ASRGL1: variants seen among roughly 807,000 people sequenced by gnomAD.
ASRGL1 encodes asparaginase and isoaspartyl peptidase 1.
ASRGL1 carries 16 observed loss-of-function variants against 22.4 expected under a neutral mutation model. That is an observed-to-expected ratio of 0.71 (90% CI 0.48 to 1.08). The LOEUF is 1.08. ASRGL1 is among the 50% of genes least tolerant of loss of function. The pLI, the probability that ASRGL1 is intolerant of heterozygous loss-of-function variation, is 0.00. For synonymous variants in ASRGL1, 165 were observed against 159.3 expected (o/e 1.04, Z -0.27); for missense variants, 412 against 410.1 (o/e 1.00, Z -0.04).
chr11:62,339,365 G>A (rs189372488), intron 2 of ASRGL1, among the ~76,000 whole-genome samples: 79 of 152,280 alleles, frequency 5.2e-4, no homozygotes, highest in African/African-American at 1.8e-3. Context: ...ATTCCAAAAG[G>A]GAGGAGGGAA....
chr11:62,338,929 T>C (rs3180646), intron 2 of ASRGL1, among the ~76,000 whole-genome samples: 36 of 2,904 alleles, frequency 0.012, no homozygotes, highest in African/African-American at 0.023. Context: ...AGCGAGACTA[T>C]CTCAAAAAAA....
At chr11:62,394,160 ATATATAT>A (rs980619034), downstream of ASRGL1, among the ~76,000 whole-genome samples, 471 of 139,856 alleles carry the variant, frequency 3.4e-3, 2 homozygotes, top group African/African-American at 0.012. Flanking sequence ...TATATAATAC[ATATATAT>A]TATATATCAT....
At chr11:62,386,421 T>G (rs1947202204) in intron 4 of ASRGL1, among the ~76,000 whole-genome samples, 1 of 68,826 alleles carries the variant, frequency 1.5e-5, no homozygotes, top group Admixed American at 1.5e-4. Context: ...TTACTGTGCC[T>G]AATTTATCAA....
At chr11:62,347,192 T>G (rs769510975) in intron 2 of ASRGL1, among the ~76,000 whole-genome samples, 1 of 152,164 alleles carries the variant, frequency 6.6e-6, no homozygotes, top group Non-Finnish European at 1.5e-5. Context: ...ACAGCACCTC[T>G]CTGAAGGACC....
At chr11:62,390,513 C>T (rs1463038854) in intron 5 of ASRGL1, among the ~76,000 whole-genome samples, 1 of 152,222 alleles carries the variant, frequency 6.6e-6, no homozygotes, top group African/African-American at 2.4e-5. Flanking sequence ...AGACACCTGG[C>T]CTTCTGTGGT....
chr11:62,373,190 C>A (rs534695016), intron 4 of ASRGL1: 96 of 1,007,236 alleles, frequency 9.5e-5, no homozygotes, highest in East Asian at 9.0e-4. Context: ...CCCAGAGACT[C>A]CTCCGACTCC....
intron 4 of ASRGL1, among the ~76,000 whole-genome samples, chr11:62,359,993 ACTT>A (rs937749085): frequency 8.0e-5 from 12 of 149,724 alleles, no homozygotes; most frequent in African/African-American, 2.9e-4. Flanking sequence ...TCTGCAAATT[ACTT>A]CTTTTTTTTG....
At position 62,391,908 on chromosome 11, in the gene ASRGL1, G is replaced by A. The variant is rs1590764954; in HGVS notation, c.722-171G>A. ...GGAAGACCCCTCTGCTCAGGCTGAT[G>A]CTAGGGCGCTGTCTCAGGGCAAGGA... On this transcript the variant is annotated intron_variant, in intron 6 of 6. Transcript: ENST00000415229. 6.2e-6 allele frequency: 5 copies of A among 807,200 alleles called. No homozygotes were observed. The East Asian group carries it at 1.3e-4, about 21-fold the overall frequency. The allele number at this position is 807,200 out of a possible 1,614,324, so 50.0% of individuals were successfully genotyped here. A position where few individuals can be genotyped will look rare whatever the true frequency, so the allele number is the denominator to read the frequency against.
At position 62,358,807 on chromosome 11, in the gene ASRGL1, T is replaced by G. The variant is rs572255241; in HGVS notation, c.491+1663T>G. On this transcript the variant is annotated intron_variant, in intron 4 of 6. Transcript: ENST00000415229. ...GCAAAAGGCACCTGAGTTCAAAGTT[T>G]GTGGGTAGTGCCACTGTTGACATCA... Among the ~76,000 whole-genome samples the G allele has an allele frequency of 3.3e-5, 5 of 152,364 alleles. No individual in the cohort carries two copies. The East Asian group carries it at 7.7e-4, about 24-fold the overall frequency.
chr11:62,376,843 G>A (rs1018771348), intron 4 of ASRGL1, among the ~76,000 whole-genome samples: 2 of 152,146 alleles, frequency 1.3e-5, no homozygotes, highest in Admixed American at 1.3e-4. Flanking sequence ...TCCCATTACA[G>A]CAAAACAAGA....
chr11:62,391,964 G>A (rs762507454), intron 6 of ASRGL1, 115 bp from the exon 7 acceptor site: 50 of 1,238,094 alleles, frequency 4.0e-5, no homozygotes, highest in African/African-American at 2.4e-4. Context: ...GCATTCAGGC[G>A]TTCATTTACC....
chr11:62,381,431 C>G (rs1590753008), intron 4 of ASRGL1, among the ~76,000 whole-genome samples: 1 of 152,294 alleles, frequency 6.6e-6, no homozygotes, highest in South Asian at 2.1e-4. Flanking sequence ...TTCTGGGATT[C>G]TATCCCTGCC....
intron 4 of ASRGL1, chr11:62,373,215 A>G: frequency 2.2e-6 from 2 of 904,066 alleles, no homozygotes; most frequent in Non-Finnish European, 3.7e-6. Flanking sequence ...CTCTCATGGC[A>G]GCTGTCATTT....
downstream of ASRGL1, among the ~76,000 whole-genome samples, chr11:62,395,897 G>A (rs544968487): frequency 4.8e-5 from 7 of 146,670 alleles, no homozygotes; most frequent in African/African-American, 7.4e-5. Context: ...TCAGCCTCCC[G>A]AGTAGCTGGG....
intron 4 of ASRGL1, among the ~76,000 whole-genome samples, chr11:62,387,810 A>G (rs1362124331): frequency 2.0e-5 from 3 of 152,190 alleles, no homozygotes; most frequent in Non-Finnish European, 2.9e-5. Context: ...GACTTTGTTT[A>G]GCTTTACCAC....
intron 4 of ASRGL1, among the ~76,000 whole-genome samples, chr11:62,385,784 T>C (rs1947187031): frequency 6.6e-6 from 1 of 152,214 alleles, no homozygotes; most frequent in African/African-American, 2.4e-5. Context: ...GAATCACTTG[T>C]ACCCAGTAGG....
chr11:62,355,410 A>G (rs1436201149), intron 2 of ASRGL1, among the ~76,000 whole-genome samples: 1 of 149,742 alleles, frequency 6.7e-6, no homozygotes, highest in Non-Finnish European at 1.5e-5. Context: ...GATTTTTAGT[A>G]GAGACGGGGT....
intron 2 of ASRGL1, 106 bp from the exon 3 acceptor site, chr11:62,356,219 C>G (rs1784344406): frequency 7.1e-7 from 1 of 1,400,276 alleles, no homozygotes; most frequent in Non-Finnish European, 9.8e-7. Flanking sequence ...CGCCCCTCAC[C>G]TCCCGGATGG....
chr11:62,373,505 C>T (rs1297085373), intron 4 of ASRGL1, among the ~76,000 whole-genome samples: 1 of 152,024 alleles, frequency 6.6e-6, no homozygotes, highest in Non-Finnish European at 1.5e-5. Context: ...CTCCCCAAAA[C>T]ACTCCTTTCC....
Sources: allele counts gnomAD v4.1 joint callset (sites outside exome capture counted in the v4.1 genomes callset), GRCh38; gene constraint gnomAD v4.1.1; transcripts MANE v1.5; gene names NCBI Gene and HGNC (gene_info 2026-07-23, HGNC 2026-07-21).